Variants in SYT3 observed in about 807,000 individuals in gnomAD.
SYT3 encodes the protein synaptotagmin 3, also known as synaptotagmin-3.
Under a neutral mutation model 50.6 loss-of-function variants are expected in SYT3, and 25 were observed. The observed-to-expected ratio is 0.49, with a 90% CI of 0.36 to 0.69. The LOEUF (loss-of-function observed/expected upper bound fraction) is 0.69, where lower values mean the gene tolerates loss of function less well. Ranked by LOEUF, SYT3 falls within the 30% of genes least tolerant of loss-of-function variation. The probability of loss-of-function intolerance (pLI) is 0.00; values close to 1 mark genes in which losing one functional copy is unlikely to be tolerated. For synonymous variants in SYT3, 323 were observed against 353.9 expected, an observed-to-expected ratio of 0.91 and a Z score of 0.98; for missense variants, 589 against 793.6, an observed-to-expected ratio of 0.74 and a Z score of 3.10.
the SYT3 span, among the ~76,000 whole-genome samples, chr19:50,653,458 C>T: frequency 1.3e-5 from 2 of 151,756 alleles, no homozygotes; most frequent in South Asian, 2.1e-4. Context: ...GGAGGGAGGC[C>T]GGTATGACTG....
At chr19:50,656,224 A>C in the SYT3 span, 1 of 1,536,092 alleles carries the variant, frequency 6.5e-7, no homozygotes. Flanking sequence ...CTCTCTCCCT[A>C]GAAAGCAGTA....
chr19:50,649,828 G>A, the SYT3 span: 1 of 507,384 alleles, frequency 2.0e-6, no homozygotes, highest in Non-Finnish European at 3.8e-6. Flanking sequence ...CCCACCCTGA[G>A]CTCAGCATCT....
At chr19:50,633,600 C>T (rs1277314660) in intron 3 of SYT3, among the ~76,000 whole-genome samples, 1 of 152,190 alleles carries the variant, frequency 6.6e-6, no homozygotes, top group African/African-American at 2.4e-5. Flanking sequence ...CACTCTGAAC[C>T]TTACATTTCC....
At chr19:50,656,457 G>A in the SYT3 span, 3 of 1,383,470 alleles carry the variant, frequency 2.2e-6, no homozygotes, top group Non-Finnish European at 2.9e-6. Context: ...TGGCTTATAA[G>A]CTGTGGGCTT....
In SYT3 at chr19:50,625,334, G is replaced by A. The variant is rs778341495; in HGVS notation, c.1575-40C>T. 9.8e-6 allele frequency: 15 copies of A among 1,534,854 alleles called. No individual in the cohort carries two copies. The South Asian group carries it at 1.7e-4, about 17-fold the overall frequency. On this transcript the variant is annotated intron_variant, in intron 8 of 10. Coordinates refer to ENST00000600079, the MANE Select transcript of SYT3 (RefSeq NM_001160329.2). This position sits in a 1 kb window ranked among gnomAD's most constrained non-coding sequence, Gnocchi z 7.5. ...CAGTGAGGACCGTGGAGGGTGGTGG[G>A]AGGGCCTGTCCCCACCCCAGCCCTC...
At chr19:50,638,103 G>A (rs1984554509) in intron 2 of SYT3, 1 of 152,268 alleles carries the variant, frequency 6.6e-6, no homozygotes, top group Non-Finnish European at 1.5e-5. Context: ...TCTGTGAGAA[G>A]CGCTCCACAG....
chr19:50,651,553 G>A, the SYT3 span, among the ~76,000 whole-genome samples: 1 of 151,976 alleles, frequency 6.6e-6, no homozygotes, highest in African/African-American at 2.4e-5. Flanking sequence ...AGGCACACAG[G>A]GGCCCTCTGA....
upstream of SYT3, among the ~76,000 whole-genome samples, chr19:50,642,248 G>A (rs555031597): frequency 2.2e-4 from 34 of 152,364 alleles, no homozygotes; most frequent in African/African-American, 7.9e-4. Context: ...GGGTCCACAG[G>A]TAGCCCTGTT....
At position 50,629,411 on chromosome 19, in the gene SYT3, G is replaced by A. The variant is rs1235119977; in HGVS notation, c.1164C>T (p.Asp388=). ...GGTCGTGCCGCGAGAAGCGGTCAAA[G>A]TCATAGACGCTGAAGTGCAGTTTGC... ...AQRKLHFSVY[D]FDRFSRHDLI... is the part of the protein sequence containing the mutation. The change falls in exon 6 of 11, where the codon GAC becomes GAT. Residue 388 remains aspartate (D), a synonymous_variant. Transcript: ENST00000600079. 2 of 1,614,066 alleles carry A rather than the reference G, an allele frequency of 1.2e-6. No individual in the cohort carries two copies. Among genetic ancestry groups the A allele is most frequent in the East Asian group, 2.2e-5 (1 of 44,868 alleles).
chr19:50,636,507 G>A (rs1399028775), intron 3 of SYT3, among the ~76,000 whole-genome samples: 3 of 152,204 alleles, frequency 2.0e-5, no homozygotes, highest in Non-Finnish European at 4.4e-5. Context: ...CTGCCCTGGT[G>A]CTCAGCAAGT....
intron 3 of SYT3, among the ~76,000 whole-genome samples, chr19:50,634,261 A>G (rs1411101607): frequency 6.6e-6 from 1 of 152,210 alleles, no homozygotes; most frequent in African/African-American, 2.4e-5. Context: ...TACTCCTGAC[A>G]GACAGTGGGT....
intron 4 of SYT3, among the ~76,000 whole-genome samples, chr19:50,631,775 C>A (rs1488503361): frequency 2.0e-5 from 3 of 152,106 alleles, no homozygotes; most frequent in African/African-American, 4.8e-5. Flanking sequence ...GACAGCCAGT[C>A]TGGGGGTCGC....
chr19:50,623,355 G>A (rs1380376020), intron 9 of SYT3, among the ~76,000 whole-genome samples: 6 of 151,998 alleles, frequency 3.9e-5, no homozygotes, highest in Admixed American at 1.3e-4. Context: ...CCCAGGTGTC[G>A]GGTCCCTCAT....
chr19:50,640,973 CT>C (rs547706554), upstream of SYT3, among the ~76,000 whole-genome samples: 9 of 152,152 alleles, frequency 5.9e-5, no homozygotes, highest in East Asian at 1.7e-3. Flanking sequence ...AATCCCAACA[CT>C]TTGGGAGGCT....
At chr19:50,623,801 T>C (rs1177844488) in intron 9 of SYT3, among the ~76,000 whole-genome samples, 1 of 151,468 alleles carries the variant, frequency 6.6e-6, no homozygotes, top group Admixed American at 6.6e-5. Context: ...AGACTCTGTC[T>C]CAATAATAAC....
chr19:50,635,427 A>T (rs1984466180), intron 3 of SYT3, among the ~76,000 whole-genome samples: 1 of 152,164 alleles, frequency 6.6e-6, no homozygotes, highest in Non-Finnish European at 1.5e-5. Flanking sequence ...CAGATTCCCC[A>T]TTCCTGTCTG....
Position 50,625,291 on chromosome 19 carries a change from G to A in SYT3, c.1578C>T (p.Ile526=), listed in dbSNP as rs533895555. The A allele has an allele frequency of 9.8e-6, 15 of 1,535,046 alleles. No homozygotes were observed. Among genetic ancestry groups the A allele is most frequent in the South Asian group, 7.1e-5 (6 of 84,130 alleles). ...ACACGCCGATCACCTCGTTGTGCCC[G>A]ATGCTGGGGGTTGGGGTCAGTGAGG... ...LSIAVVDYDC[I]GHNEVIGVCR... The change falls in exon 9 of 11, where the codon ATC becomes ATT. Residue 526 remains isoleucine, a synonymous_variant. Transcript: ENST00000600079. The surrounding 1 kb of genome is among the most constrained non-coding windows in gnomAD (Gnocchi z 7.5).
At chr19:50,649,395 A>C in the SYT3 span, 10 of 1,526,938 alleles carry the variant, frequency 6.5e-6, no homozygotes, top group Non-Finnish European at 8.8e-6. Flanking sequence ...TGGCCCAGGC[A>C]GAGCCTCTCT....
In SYT3 at chr19:50,625,228, G is replaced by C; in HGVS notation, c.1641C>G (p.Arg547=). 9 of 1,588,138 alleles carry C rather than the reference G, an allele frequency of 5.7e-6. No individual in the cohort carries two copies. Among genetic ancestry groups the C allele is most frequent in the South Asian group, 1.1e-5 (1 of 88,138 alleles). Residue 547 remains arginine (R), a synonymous_variant, in exon 9 of 11, where the codon CGC becomes CGG. Transcript: ENST00000600079. The surrounding 1 kb of genome is among the most constrained non-coding windows in gnomAD (Gnocchi z 7.5). Reference sequence around the variant, plus strand: ...TGGCCAGCATCTCTGCCCAGTGCTCGCGGCCGTGCGGGTCGGCAGCGTCGG... The same window carrying C: ...TGGCCAGCATCTCTGCCCAGTGCTCCCGGCCGTGCGGGTCGGCAGCGTCGG... The part of the protein sequence containing the change: ...VGPDAADPHG[R]EHWAEMLANP...
Sources: allele counts gnomAD v4.1 joint callset (sites outside exome capture counted in the v4.1 genomes callset), GRCh38; gene constraint gnomAD v4.1.1; non-coding constraint Gnocchi (gnomAD v3.1); transcripts MANE v1.5; gene names NCBI Gene and HGNC (gene_info 2026-07-23, HGNC 2026-07-21).